Variants in ABCA1 observed in about 807,000 individuals in gnomAD.
The protein encoded by ABCA1 is phospholipid-transporting ATPase ABCA1.
Under a neutral mutation model 262.5 loss-of-function variants are expected in ABCA1, and 133 were observed. The observed-to-expected ratio is 0.51, with a 90% confidence interval of 0.44 to 0.59. The LOEUF (loss-of-function observed/expected upper bound fraction) is 0.59. Among genes scored for constraint, ABCA1 ranks in the 20% least tolerant of loss-of-function variants. The pLI, the probability that ABCA1 is intolerant of heterozygous loss-of-function variation, is 0.00. For missense variants in ABCA1, 2,452 were observed against 2,777.5 expected, an observed-to-expected ratio of 0.88 and a Z score of 2.63; for synonymous variants, 1,022 against 1,043.5, an observed-to-expected ratio of 0.98 and a Z score of 0.40.
intron 27 of ABCA1, 28 bp from the exon 28 acceptor site, chr9:104,812,750 C>T (rs1337178579): frequency 1.9e-6 from 3 of 1,614,038 alleles, no homozygotes; most frequent in Non-Finnish European, 1.7e-6. Flanking sequence ...TGAAGGTCAC[C>T]TATTATCTTA....
At chr9:104,807,911 CTTAT>C (rs199941615) in intron 30 of ABCA1, among the ~76,000 whole-genome samples, 1 of 144,732 alleles carries the variant, frequency 6.9e-6, no homozygotes, top group African/African-American at 2.6e-5. Flanking sequence ...TTAACTATTT[CTTAT>C]TGTTTTCTTA....
Position 104,790,904 on chromosome 9 carries a change from A to G in ABCA1, c.5927+18T>C, listed in dbSNP as rs2020927. The G allele has an allele frequency of 0.16, 240,135 of 1,519,884 alleles. 26,755 individuals are homozygous for G. Among genetic ancestry groups the G allele is most frequent in the African/African-American group, 0.51 (37,144 of 72,904 alleles). 94.1% of individuals were successfully genotyped at this position (1,519,884 alleles called of 1,614,324 possible). A position where few individuals can be genotyped will look rare whatever the true frequency, so the allele number is the denominator to read the frequency against. ...AACAAAGTCTTTGCAGCAAAATACA[A>G]GCCACTTCTTTTCTCACCTATTTTT... On this transcript the variant is annotated intron_variant, in intron 44 of 49. Transcript: ENST00000374736.
chr9:104,925,815 T>C (rs1459654419), intron 1 of ABCA1, among the ~76,000 whole-genome samples: 1 of 152,186 alleles, frequency 6.6e-6, no homozygotes, highest in Non-Finnish European at 1.5e-5. Flanking sequence ...TTCCATACTT[T>C]CTCTGATTTA....
chr9:104,879,670 T>A (rs1323577777), intron 5 of ABCA1, among the ~76,000 whole-genome samples: 1 of 152,212 alleles, frequency 6.6e-6, no homozygotes, highest in Non-Finnish European at 1.5e-5. Flanking sequence ...TTTAAAATAA[T>A]CACAATTTTG....
chr9:104,792,857 T>C lies in ABCA1; in HGVS notation c.5686A>G (p.Arg1896Gly). 2 of 1,614,144 alleles carry C rather than the reference T, an allele frequency of 1.2e-6. No individual in the cohort carries two copies. Among genetic ancestry groups the C allele is most frequent in the Non-Finnish European group, 1.7e-6 (2 of 1,180,002 alleles). Reference sequence around the variant, plus strand: ...TCAAGAATTCTCTGTCTTTCCCGCCTCACATCTTCATCTTCATCATTCAGA... The same window carrying C: ...TCAAGAATTCTCTGTCTTTCCCGCCCCACATCTTCATCTTCATCATTCAGA... ...SPLNDEDEDV[R>G]RERQRILDGG... is the part of the protein sequence containing the mutation. Residue 1896 changes from arginine to glycine, a missense_variant, in exon 42 of 50, where the codon AGG (arginine) becomes GGG (glycine). Arg to Gly is a moderately radical substitution (Grantham distance 125, BLOSUM62 -2). Around this residue, in one of 4 missense-constraint regions of ABCA1, gnomAD observed 752 missense variants for 944.5 expected, o/e 0.80. Transcript: ENST00000374736.
chr9:104,821,198 G>A (rs993353194), intron 20 of ABCA1, among the ~76,000 whole-genome samples, 177 bp downstream of exon 20: 5 of 152,070 alleles, frequency 3.3e-5, no homozygotes, highest in Admixed American at 6.5e-5. Context: ...AGCCGAGATC[G>A]CGCCACTACA....
Position 104,831,970 on chromosome 9 carries a change from C to A in ABCA1, c.1510-143G>T, listed in dbSNP as rs528748191. ...AATCCTCTCTAACGTAGTTTTCCAA[C>A]CTTCAACCAAGAATGAAGGATTTTG... On this transcript the variant is annotated intron_variant, in intron 12 of 49. Transcript: ENST00000374736. The A allele has an allele frequency of 7.6e-5, 63 of 832,512 alleles. 1 individual carries two copies. The African/African-American group carries it at 9.2e-4, about 12-fold the overall frequency. 51.6% of individuals were successfully genotyped at this position (832,512 alleles called of 1,614,324 possible).
At chr9:104,879,954 G>T (rs998387586) in intron 5 of ABCA1, among the ~76,000 whole-genome samples, 3 of 152,170 alleles carry the variant, frequency 2.0e-5, no homozygotes, top group Non-Finnish European at 4.4e-5. Flanking sequence ...TGGACTTTGG[G>T]AAAACAGGGA....
chr9:104,920,757 ACCT>A (rs1420025278), intron 1 of ABCA1, among the ~76,000 whole-genome samples: 2 of 152,300 alleles, frequency 1.3e-5, no homozygotes, highest in East Asian at 1.9e-4. Flanking sequence ...TGATCCGCCC[ACCT>A]TGGCCTCCCA....
At chr9:104,840,599 A>G in intron 8 of ABCA1, 80 bp from the exon 9 acceptor site, 2 of 1,355,100 alleles carry the variant, frequency 1.5e-6, no homozygotes, top group Non-Finnish European at 2.0e-6. Flanking sequence ...TGAGAAGAGA[A>G]AGAAACATCT....
At chr9:104,855,794 T>C in intron 7 of ABCA1, 2 of 1,579,856 alleles carry the variant, frequency 1.3e-6, no homozygotes, top group African/African-American at 1.3e-5. Flanking sequence ...CACACTGCCA[T>C]ACTTTCCCCA....
intron 27 of ABCA1, among the ~76,000 whole-genome samples, chr9:104,813,784 T>C (rs1831487705): frequency 6.6e-6 from 1 of 152,190 alleles, no homozygotes; most frequent in Non-Finnish European, 1.5e-5. Context: ...TCAAAATCAC[T>C]CATCTACTCG....
In ABCA1 at chr9:104,784,236, T is replaced by C; in HGVS notation, c.*79A>G. 1.9e-6 allele frequency: 3 copies of C among 1,588,766 alleles called. No homozygotes were observed. The highest frequency in any genetic ancestry group is 2.6e-6 in the Non-Finnish European group (3 of 1,159,504). On this transcript the variant is annotated 3_prime_UTR_variant, in exon 50 of 50. Coordinates refer to ENST00000374736, the MANE Select transcript of ABCA1 (RefSeq NM_005502.4). ...CTTCCCACATCAACTTCTGGCTCTT[T>C]TCTCCACAACACTTCACATGGTGCA...
chr9:104,925,325 C>CG (rs35110205), intron 1 of ABCA1, among the ~76,000 whole-genome samples: 68,576 of 150,126 alleles, frequency 0.46, 15,829 homozygotes, highest in East Asian at 0.65. Flanking sequence ...TGCAGTGAGC[C>CG]ATATCGTGCC....
chr9:104,788,604 G>A, intron 44 of ABCA1, 37 bp from the exon 45 acceptor site: 1 of 1,612,398 alleles, frequency 6.2e-7, no homozygotes, highest in African/African-American at 1.3e-5. Flanking sequence ...ATTTTAAGCA[G>A]GTAGAGATAC....
chr9:104,808,164 G>T (rs554837892), intron 30 of ABCA1, among the ~76,000 whole-genome samples: 2 of 152,116 alleles, frequency 1.3e-5, no homozygotes, highest in African/African-American at 4.8e-5. Flanking sequence ...AGTAAGAATT[G>T]TAAGGATAAA....
chr9:104,830,351 C>T (rs915995678), intron 14 of ABCA1, among the ~76,000 whole-genome samples: 8 of 152,178 alleles, frequency 5.3e-5, no homozygotes, highest in Non-Finnish European at 1.2e-4. Context: ...ACATTTTAAG[C>T]TTGCAGATTG....
chr9:104,812,810 T>C lies in ABCA1; in HGVS notation c.3902-88A>G, dbSNP rs2118937874. ...CTTCTTCTGGTGTCTTCAACAACTA[T>C]CTTGAAGGCATGTGTCTGAAGCTAG... On this transcript the variant is annotated intron_variant, in intron 27 of 49. Transcript: ENST00000374736. 2.0e-6 allele frequency: 3 copies of C among 1,529,226 alleles called. No homozygotes were observed. The South Asian group carries it at 3.4e-5, about 17-fold the overall frequency. 94.7% of individuals were successfully genotyped at this position (1,529,226 alleles called of 1,614,324 possible). A position where few individuals can be genotyped will look rare whatever the true frequency, so the allele number is the denominator to read the frequency against.
chr9:104,837,128 A>G, intron 10 of ABCA1, 32 bp from the exon 11 acceptor site: 1 of 1,533,872 alleles, frequency 6.5e-7, no homozygotes, highest in East Asian at 2.3e-5. Flanking sequence ...GGGACCGCAG[A>G]AAAAGGAGGA....
Sources: allele counts gnomAD v4.1 joint callset (sites outside exome capture counted in the v4.1 genomes callset), GRCh38; gene constraint gnomAD v4.1.1; regional missense constraint gnomAD v4.1.1; transcripts MANE v1.5; gene names NCBI Gene and HGNC (gene_info 2026-07-23, HGNC 2026-07-21).